KIAA1958: variants seen among roughly 807,000 people sequenced by gnomAD.
KIAA1958 encodes KIAA1958.
Under a neutral mutation model 47.2 loss-of-function variants are expected in KIAA1958, and 14 were observed. The ratio of observed to expected loss-of-function variants is 0.30; its 90% CI spans 0.20 to 0.46. The LOEUF is 0.46. Ranked by LOEUF, KIAA1958 falls within the 20% of genes least tolerant of loss-of-function variation. The probability of loss-of-function intolerance (pLI) is 1.00; values close to 1 mark genes in which losing one functional copy is unlikely to be tolerated. For missense variants in KIAA1958, 803 were observed against 909.2 expected, an observed-to-expected ratio of 0.88 and a Z score of 1.50; for synonymous variants, 354 against 353.3, an observed-to-expected ratio of 1.00 and a Z score of -0.02.
chr9:112,511,085 C>T (rs1208210073), intron 1 of KIAA1958, among the ~76,000 whole-genome samples: 1 of 152,124 alleles, frequency 6.6e-6, no homozygotes, highest in Non-Finnish European at 1.5e-5. Flanking sequence ...CTGCTGCTTG[C>T]TTCTGTTTCC....
chr9:112,490,997 G>A (rs989988019), intron 1 of KIAA1958, among the ~76,000 whole-genome samples: 2 of 152,132 alleles, frequency 1.3e-5, no homozygotes, highest in African/African-American at 2.4e-5. Flanking sequence ...AGACACAGTC[G>A]CACTCTGTCA....
At chr9:112,632,028 G>C (rs1238083076) in intron 2 of KIAA1958, among the ~76,000 whole-genome samples, 1 of 152,016 alleles carries the variant, frequency 6.6e-6, no homozygotes, top group Non-Finnish European at 1.5e-5. Flanking sequence ...TAAATAAAAA[G>C]AACATTTTAT....
intron 1 of KIAA1958, among the ~76,000 whole-genome samples, chr9:112,563,719 T>C (rs1289822863): frequency 1.3e-5 from 2 of 152,092 alleles, no homozygotes; most frequent in African/African-American, 4.8e-5. Flanking sequence ...TTCTCCTCCC[T>C]CCTCACCCCC....
rs557730369 is a variant in KIAA1958, at chr9:112,550,206, G to C, written c.-24-23851G>C. On this transcript the variant is annotated intron_variant, in intron 1 of 3. Coordinates refer to ENST00000337530, the MANE Select transcript of KIAA1958 (RefSeq NM_133465.4). ...TTGATGGAGAGTTTGAGGTAAATCT[G>C]TTGATAAGTAACTAGTAACCATTCT... is the stretch of plus-strand genomic sequence containing the variant. Among the ~76,000 whole-genome samples the C allele has an allele frequency of 3.2e-4, 48 of 150,982 alleles. 1 individual carries two copies. Among genetic ancestry groups the C allele is most frequent in the African/African-American group, 1.2e-3 (48 of 40,360 alleles).
At chr9:112,636,699 T>A (rs555540766) in intron 2 of KIAA1958, among the ~76,000 whole-genome samples, 6 of 152,188 alleles carry the variant, frequency 3.9e-5, no homozygotes, top group Non-Finnish European at 7.4e-5. Context: ...TTCATTTGCT[T>A]ATTGTTCCTA....
intron 1 of KIAA1958, among the ~76,000 whole-genome samples, chr9:112,513,662 C>T (rs1304987848): frequency 3.9e-5 from 4 of 102,432 alleles, no homozygotes; most frequent in Non-Finnish European, 8.0e-5. Flanking sequence ...GGCAGCGGAG[C>T]TGTCTCAGTC....
At position 112,659,353 on chromosome 9, in the gene KIAA1958, C is replaced by T. The variant is rs1324042717; in HGVS notation, c.1435C>T (p.His479Tyr). The T allele has an allele frequency of 6.2e-7, 1 of 1,614,034 alleles. No homozygotes were observed. The highest frequency in any genetic ancestry group is 2.2e-5 in the East Asian group (1 of 44,892). Residue 479 changes from histidine to tyrosine, a missense_variant, in exon 4 of 4, where the codon CAT becomes TAT. Coordinates refer to ENST00000337530, the MANE Select transcript of KIAA1958 (RefSeq NM_133465.4). The stretch of plus-strand genomic sequence containing the variant: ...CTCGGACTTCCTGGCCACCTCGCTC[C>T]ATGCTATTCGCCGAGGCCTGGACCG... The part of the protein sequence containing the change: ...DGSDFLATSL[H>Y]AIRRGLDRIL...
At chr9:112,623,509 A>T (rs920280188) in intron 2 of KIAA1958, among the ~76,000 whole-genome samples, 6 of 152,204 alleles carry the variant, frequency 3.9e-5, no homozygotes, top group African/African-American at 1.4e-4. Context: ...TAAATTATAA[A>T]TGAAATCCCA....
At position 112,574,594 on chromosome 9, in the gene KIAA1958, C is replaced by T; in HGVS notation, c.514C>T (p.Arg172Cys). 1.9e-6 allele frequency: 3 copies of T among 1,614,134 alleles called. No homozygotes were observed. The highest frequency in any genetic ancestry group is 2.5e-6 in the Non-Finnish European group (3 of 1,180,022). ...AACCCAAAGGCCTCAAAGCATTGCT[C>T]GCAAAAGACCTGGGGTAGTCCCATC... ...PQTQRPQSIA[R>C]KRPGVVPSSL... is the part of the protein sequence containing the mutation. The change falls in exon 2 of 4, where the codon CGC becomes TGC. Residue 172 changes from arginine (R) to cysteine (C), a missense_variant. Around this residue, in one of 2 missense-constraint regions of KIAA1958, gnomAD observed 761 missense variants for 829.3 expected, o/e 0.92. Transcript: ENST00000337530.
At chr9:112,539,226 C>T (rs1488514346) in intron 1 of KIAA1958, among the ~76,000 whole-genome samples, 1 of 152,132 alleles carries the variant, frequency 6.6e-6, no homozygotes, top group Non-Finnish European at 1.5e-5. Context: ...AACATTTGTC[C>T]ACATAAAAAC....
chr9:112,497,189 TG>T (rs1414072439), intron 1 of KIAA1958, among the ~76,000 whole-genome samples: 2 of 152,188 alleles, frequency 1.3e-5, no homozygotes, highest in Non-Finnish European at 2.9e-5. Context: ...TGACTATTTA[TG>T]GGCTGAGTAG....
intron 3 of KIAA1958, among the ~76,000 whole-genome samples, chr9:112,646,672 G>A (rs1340237484): frequency 6.6e-6 from 1 of 152,236 alleles, no homozygotes; most frequent in East Asian, 1.9e-4. Flanking sequence ...AAGAGTTCAG[G>A]GCTACAGTGT....
Position 112,486,948 on chromosome 9 carries a change from G to C in KIAA1958, c.-195G>C. The C allele has an allele frequency of 6.2e-6, 1 of 160,772 alleles. No homozygotes were observed. Among genetic ancestry groups the C allele is most frequent in the East Asian group, 1.9e-4 (1 of 5,318 alleles). The allele number at this position is 160,772 out of a possible 1,614,324, so 10.0% of individuals were successfully genotyped here. On this transcript the variant is annotated 5_prime_UTR_variant, in exon 1 of 4. Transcript: ENST00000337530. Reference sequence around the variant, plus strand: ...CCCCCGCCCCGCTCCTCGGTCCGCCGCCCGCCGGGCGCCTTCCCCGCTCCA... The same window carrying C: ...CCCCCGCCCCGCTCCTCGGTCCGCCCCCCGCCGGGCGCCTTCCCCGCTCCA...
Position 112,501,965 on chromosome 9 carries a change from G to A in KIAA1958, c.-25+14847G>A, listed in dbSNP as rs150047999. ...TAATAAATAATAGATAAAACGTAGA[G>A]CAATTTATAGAAGAGAAATGTTCAG... On this transcript the variant is annotated intron_variant, in intron 1 of 3. Coordinates refer to ENST00000337530, the MANE Select transcript of KIAA1958 (RefSeq NM_133465.4). Among the ~76,000 whole-genome samples the A allele has an allele frequency of 7.2e-5, 11 of 152,290 alleles. No individual in the cohort carries two copies. The East Asian group carries it at 1.2e-3, about 16-fold the overall frequency.
rs137870082 is a variant in KIAA1958, at chr9:112,544,933, A to C, written c.-24-29124A>C. Among the ~76,000 whole-genome samples the C allele has an allele frequency of 3.8e-3, 585 of 152,084 alleles. 5 individuals carry two copies. The highest frequency in any genetic ancestry group is 0.014 in the African/African-American group (565 of 41,494). On this transcript the variant is annotated intron_variant, in intron 1 of 3. Coordinates refer to ENST00000337530, the MANE Select transcript of KIAA1958 (RefSeq NM_133465.4). ...TTTTTTTTTAATTTTAACTTTCCACACTATACCATCATATTAATCTTATTT... is the reference window on the plus strand; with the variant it reads ...TTTTTTTTTAATTTTAACTTTCCACCCTATACCATCATATTAATCTTATTT...
intron 1 of KIAA1958, among the ~76,000 whole-genome samples, chr9:112,508,489 G>A (rs1023556860): frequency 9.9e-5 from 15 of 152,204 alleles, no homozygotes; most frequent in African/African-American, 3.6e-4. Flanking sequence ...TACGATGATG[G>A]CACATTGTTG....
intron 1 of KIAA1958, among the ~76,000 whole-genome samples, chr9:112,519,249 C>T (rs961321402): frequency 6.6e-6 from 1 of 152,164 alleles, no homozygotes; most frequent in Admixed American, 6.5e-5. Flanking sequence ...CAGACTAGCT[C>T]ATGATTTCTC....
intron 2 of KIAA1958, among the ~76,000 whole-genome samples, chr9:112,610,129 G>T (rs1836300027): frequency 6.6e-6 from 1 of 151,936 alleles, no homozygotes; most frequent in African/African-American, 2.4e-5. Context: ...TGATTCAAAA[G>T]TTTTTATTAT....
intron 1 of KIAA1958, among the ~76,000 whole-genome samples, chr9:112,499,450 C>A (rs1266588611): frequency 6.6e-6 from 1 of 151,990 alleles, no homozygotes; most frequent in African/African-American, 2.4e-5. Flanking sequence ...AGTTGTGGGT[C>A]ATATGATAAT....
Sources: gnomAD v4.1 joint callset for allele counts (sites outside exome capture counted in the v4.1 genomes callset) on GRCh38, gnomAD v4.1.1 for gene constraint, gnomAD v4.1.1 regional missense constraint, MANE v1.5 for transcripts, NCBI Gene and HGNC (gene_info 2026-07-23, HGNC 2026-07-21) for gene names.